SLC33A2: variants seen among roughly 807,000 people sequenced by gnomAD.
The protein encoded by SLC33A2 is solute carrier family 33 member 2, also known as major facilitator superfamily domain containing 3.
At chr8:144,510,831 G>A in the SLC33A2 span, 2 of 1,611,060 alleles carry the variant, frequency 1.2e-6, no homozygotes, top group Non-Finnish European at 1.7e-6. Flanking sequence ...AGCACTTCTT[G>A]GGAGGCCTGG....
At chr8:144,510,973 G>C in the SLC33A2 span, 27 of 1,599,396 alleles carry the variant, frequency 1.7e-5, no homozygotes, top group South Asian at 3.0e-4. Flanking sequence ...CCTTGACCGT[G>C]ACCCCCACCC....
At chr8:144,511,084 C>T in the SLC33A2 span, 11 of 1,609,208 alleles carry the variant, frequency 6.8e-6, no homozygotes, top group East Asian at 4.5e-5. Context: ...GTTGGGGCCA[C>T]ATCCCTGCTT....
the SLC33A2 span, chr8:144,509,242 G>A: frequency 5.5e-6 from 7 of 1,282,132 alleles, no homozygotes; most frequent in African/African-American, 4.7e-5. Context: ...CCATGCCGGG[G>A]TGTGGCCTCT....
chr8:144,509,558 G>A, the SLC33A2 span: 2 of 1,516,996 alleles, frequency 1.3e-6, no homozygotes, highest in Non-Finnish European at 8.8e-7. Context: ...GCAGCACGGC[G>A]GGCCTGGGCC....
At chr8:144,509,114 C>G in the SLC33A2 span, 1 of 465,914 alleles carries the variant, frequency 2.1e-6, no homozygotes, top group South Asian at 4.9e-5. Context: ...CCGGACCGCT[C>G]GCCCCCGTTT....
At chr8:144,510,431 CTG>C in the SLC33A2 span, 1 of 1,612,934 alleles carries the variant, frequency 6.2e-7, no homozygotes, top group Non-Finnish European at 8.5e-7. Flanking sequence ...CGAGTTGGGA[CTG>C]TGGAATGGTG....
the SLC33A2 span, chr8:144,510,815 G>T: frequency 4.3e-6 from 7 of 1,611,338 alleles, no homozygotes; most frequent in Non-Finnish European, 5.9e-6. Flanking sequence ...CTGAGCCTAT[G>T]TCTGCAGCAC....
the SLC33A2 span, chr8:144,509,841 C>T: frequency 5.9e-6 from 9 of 1,537,924 alleles, no homozygotes; most frequent in East Asian, 1.2e-4. Flanking sequence ...CTTTCTGCTC[C>T]TGGCTGCCAC....
At chr8:144,509,534 G>T in the SLC33A2 span, 1 of 1,524,306 alleles carries the variant, frequency 6.6e-7, no homozygotes, top group South Asian at 1.2e-5. Context: ...GCTCGGCGAG[G>T]GCCTGGGTGA....
At chr8:144,510,437 A>C in the SLC33A2 span, 9 of 1,612,684 alleles carry the variant, frequency 5.6e-6, no homozygotes, top group Admixed American at 8.3e-5. Context: ...GGGACTGTGG[A>C]ATGGTGTGGG....
At chr8:144,510,617 AG>A in the SLC33A2 span, 1 of 1,576,592 alleles carries the variant, frequency 6.3e-7, no homozygotes, top group Non-Finnish European at 8.6e-7. Flanking sequence ...GCCTCTGTTG[AG>A]GTCGGTGCTG....
the SLC33A2 span, chr8:144,509,993 C>G: frequency 6.3e-7 from 1 of 1,596,066 alleles, no homozygotes; most frequent in South Asian, 1.1e-5. Flanking sequence ...GGACGGCAGG[C>G]TTTGTGCTCA....
chr8:144,509,929 G>T, the SLC33A2 span: 4 of 1,582,524 alleles, frequency 2.5e-6, no homozygotes, highest in African/African-American at 5.4e-5. Flanking sequence ...TCCGAGCAGC[G>T]TCCCCACACC....
At chr8:144,509,759 G>A in the SLC33A2 span, 12 of 1,562,810 alleles carry the variant, frequency 7.7e-6, no homozygotes, top group East Asian at 2.4e-5. Context: ...AGGTGGTCGC[G>A]TACAAGCTGG....
the SLC33A2 span, chr8:144,510,983 C>G: frequency 6.2e-7 from 1 of 1,600,006 alleles, no homozygotes; most frequent in Non-Finnish European, 8.5e-7. Context: ...GACCCCCACC[C>G]CCCTCAGGCC....
the SLC33A2 span, chr8:144,509,525 C>T: frequency 2.3e-5 from 35 of 1,527,330 alleles, no homozygotes; most frequent in East Asian, 8.1e-4. Context: ...ACGCGCAGGG[C>T]TCGGCGAGGG....
At chr8:144,511,099 C>G in the SLC33A2 span, 1 of 1,610,014 alleles carries the variant, frequency 6.2e-7, no homozygotes, top group South Asian at 1.1e-5. Context: ...CTGCTTCTTG[C>G]TCCTGCTCAT....
the SLC33A2 span, chr8:144,510,853 A>T: frequency 6.2e-7 from 1 of 1,610,316 alleles, no homozygotes; most frequent in Non-Finnish European, 8.5e-7. Flanking sequence ...CACCACAGTC[A>T]CCTTCACTGG....
At chr8:144,509,792 G>A in the SLC33A2 span, 1 of 1,545,634 alleles carries the variant, frequency 6.5e-7, no homozygotes, top group African/African-American at 1.4e-5. Context: ...CTGGGGGCGC[G>A]CTGCTGGCGC....
Sources: gnomAD v4.1 joint callset for allele counts on GRCh38, gnomAD v4.1.1 for gene constraint, MANE v1.5 for transcripts, NCBI Gene and HGNC (gene_info 2026-07-23, HGNC 2026-07-21) for gene names.